PIGU: variants seen among roughly 807,000 people sequenced by gnomAD.
The protein encoded by PIGU is phosphatidylinositol glycan anchor biosynthesis class U, also known as GPI-anchor transamidase component PIGU.
PIGU carries 24 observed loss-of-function variants against 49.9 expected under a neutral mutation model. The observed-to-expected ratio is 0.48, with a 90% confidence interval of 0.35 to 0.68. PIGU has a LOEUF of 0.68. Ranked by LOEUF, PIGU falls within the 30% of genes least tolerant of loss-of-function variation. The pLI is 0.01. For missense variants in PIGU, 490 were observed against 532.6 expected (o/e 0.92, Z 0.79); for synonymous variants, 220 against 205.7 (o/e 1.07, Z -0.59).
chr20:34,573,581 C>G (rs973655021), intron 11 of PIGU, among the ~76,000 whole-genome samples: 2 of 152,220 alleles, frequency 1.3e-5, no homozygotes, highest in Non-Finnish European at 2.9e-5. Context: ...TTCTGTGGAG[C>G]TTGCCAACCT....
chr20:34,666,453 T>G (rs923345143), intron 1 of PIGU, among the ~76,000 whole-genome samples: 1 of 151,618 alleles, frequency 6.6e-6, no homozygotes, highest in Non-Finnish European at 1.5e-5. Context: ...AATGTAAGTT[T>G]TTTTTTTTTT....
intron 6 of PIGU, among the ~76,000 whole-genome samples, chr20:34,616,960 A>T (rs189078378): frequency 1.4e-4 from 21 of 152,296 alleles, no homozygotes; most frequent in Non-Finnish European, 2.6e-4. Context: ...AAATACAAAC[A>T]TTAGCCAGGC....
In PIGU at chr20:34,634,627, T is replaced by A. The variant is rs748474611; in HGVS notation, c.517A>T (p.Thr173Ser). ...TTCAGGGCCTTACCTTTTATCGTAG[T>A]CAAAATGAAGAAAGCAATGAGGGTG... ...NNTLIAFFIL[T>S]TIKGSAFLSA... The change falls in exon 6 of 12, where the codon ACT (threonine) becomes TCT (serine). Residue 173 changes from threonine (T) to serine (S), a missense_variant. Thr to Ser is a moderately conservative substitution (Grantham distance 58, BLOSUM62 1). Transcript: ENST00000217446. 3 of 1,612,820 alleles carry A rather than the reference T, an allele frequency of 1.9e-6. No individual in the cohort carries two copies. The East Asian group carries it at 6.7e-5, about 36-fold the overall frequency.
chr20:34,628,327 GA>G (rs545398581), intron 6 of PIGU, among the ~76,000 whole-genome samples: 1 of 151,082 alleles, frequency 6.6e-6, no homozygotes, highest in Admixed American at 6.6e-5. Flanking sequence ...CCACAAAAAG[GA>G]AAAAAAATCA....
At chr20:34,648,557 G>A (rs1242351375) in intron 2 of PIGU, among the ~76,000 whole-genome samples, 3 of 151,986 alleles carry the variant, frequency 2.0e-5, no homozygotes, top group Non-Finnish European at 4.4e-5. Context: ...TGTTTTTGGG[G>A]TTTTTTCCTG....
In PIGU at chr20:34,605,726, A is replaced by T. The variant is rs186882393; in HGVS notation, c.627+10316T>A. Among the ~76,000 whole-genome samples, 34 of 152,254 alleles carry T rather than the reference A, an allele frequency of 2.2e-4. No homozygotes were observed. In the East Asian group the frequency reaches 6.6e-3, roughly 29 times the overall value. ...TCTATTTCCCTCTTTTTTATTATAA[A>T]TTTTTTCAAACATGCAGAAAAGTTG... On this transcript the variant is annotated intron_variant, in intron 7 of 11. Coordinates refer to ENST00000217446, the MANE Select transcript of PIGU (RefSeq NM_080476.5).
At chr20:34,563,343 G>A (rs991945721) in intron 11 of PIGU, among the ~76,000 whole-genome samples, 4 of 152,092 alleles carry the variant, frequency 2.6e-5, no homozygotes, top group African/African-American at 4.8e-5. Context: ...CGAAGCAGGC[G>A]GATCACCTGA....
chr20:34,561,231 C>T (rs544013764), intron 11 of PIGU, among the ~76,000 whole-genome samples: 1 of 152,300 alleles, frequency 6.6e-6, no homozygotes, highest in South Asian at 2.1e-4. Context: ...CAGGCTCTGG[C>T]CTCGAATGCC....
At chr20:34,638,067 T>C in intron 4 of PIGU, 82 bp from the exon 5 acceptor site, 4 of 1,484,532 alleles carry the variant, frequency 2.7e-6, no homozygotes, top group Non-Finnish European at 3.5e-6. Context: ...ACAAAAGTCC[T>C]TTCCATGGCC....
chr20:34,571,905 G>A (rs1310376388), intron 11 of PIGU, among the ~76,000 whole-genome samples: 1 of 152,198 alleles, frequency 6.6e-6, no homozygotes. Flanking sequence ...CAGTGAGCAA[G>A]TGGCCCCATC....
chr20:34,659,822 A>C (rs896675963), intron 1 of PIGU, among the ~76,000 whole-genome samples: 1 of 152,042 alleles, frequency 6.6e-6, no homozygotes, highest in African/African-American at 2.4e-5. Flanking sequence ...GCGGTGCAAG[A>C]TGTGCTTTGT....
chr20:34,632,771 A>T (rs1473865617), intron 6 of PIGU, among the ~76,000 whole-genome samples: 1 of 152,146 alleles, frequency 6.6e-6, no homozygotes, highest in Non-Finnish European at 1.5e-5. Context: ...ACAGAACAGG[A>T]GATTTATGAA....
At chr20:34,568,390 G>A (rs1413375655) in intron 11 of PIGU, among the ~76,000 whole-genome samples, 1 of 152,194 alleles carries the variant, frequency 6.6e-6, no homozygotes, top group Admixed American at 6.5e-5. Context: ...AAGTAAACAC[G>A]CACATCCAGC....
At chr20:34,591,980 G>T (rs754441223) in intron 7 of PIGU, among the ~76,000 whole-genome samples, 1 of 152,088 alleles carries the variant, frequency 6.6e-6, no homozygotes, top group South Asian at 2.1e-4. Context: ...GAGGTCAGGG[G>T]ATCAAAACCA....
intron 1 of PIGU, among the ~76,000 whole-genome samples, chr20:34,672,006 C>G (rs995787896): frequency 2.0e-5 from 3 of 152,150 alleles, no homozygotes; most frequent in Admixed American, 1.3e-4. Context: ...GATCTCGGCT[C>G]ACTGCACCCT....
rs952850531 is a variant in PIGU at position 34,588,496 on chromosome 20, G to C, written c.739C>G (p.Leu247Val). The C allele has an allele frequency of 1.7e-5, 27 of 1,613,890 alleles. No homozygotes were observed. The highest frequency in any genetic ancestry group is 2.0e-5 in the Non-Finnish European group (24 of 1,179,904). ...GGGATGAAATCCCAAGAGCTGAGAA[G>C]GAAGAAGGAGAGGCAAATGATTACC... ...LVVIICLSFFLLSSWDFIPAV... is the reference protein window; with the variant it reads ...LVVIICLSFFVLSSWDFIPAV... The change falls in exon 8 of 12, where the codon CTT becomes GTT. Residue 247 changes from leucine (L) to valine (V), a missense_variant. By Grantham distance (32) the Leu-to-Val change is conservative. Transcript: ENST00000217446.
chr20:34,657,097 T>G (rs1986726782), intron 2 of PIGU, 83 bp downstream of exon 2: 3 of 1,068,736 alleles, frequency 2.8e-6, no homozygotes, highest in Non-Finnish European at 4.2e-6. Context: ...TTTTTAAATG[T>G]TTGTACAAAA....
intron 1 of PIGU, among the ~76,000 whole-genome samples, chr20:34,673,660 C>T (rs1283962117): frequency 6.6e-6 from 1 of 152,194 alleles, no homozygotes; most frequent in Non-Finnish European, 1.5e-5. Flanking sequence ...TTAGAATTCA[C>T]CTTTTTGGCT....
At chr20:34,588,934 T>C (rs1165107504) in intron 7 of PIGU, among the ~76,000 whole-genome samples, 2 of 152,184 alleles carry the variant, frequency 1.3e-5, no homozygotes, top group African/African-American at 2.4e-5. Flanking sequence ...TTGTGGTATA[T>C]TGACATATGG....
Sources: allele counts gnomAD v4.1 joint callset (sites outside exome capture counted in the v4.1 genomes callset), GRCh38; gene constraint gnomAD v4.1.1; transcripts MANE v1.5; gene names NCBI Gene and HGNC (gene_info 2026-07-23, HGNC 2026-07-21).